The following KIAA1328 variants were observed in gnomAD, a reference collection of about 807,000 sequenced individuals.
The protein encoded by KIAA1328 is KIAA1328.
In KIAA1328, 52 loss-of-function variants were observed where a neutral mutation model predicts 68.1. The ratio of observed to expected loss-of-function variants is 0.76; its 90% CI spans 0.61 to 0.96. The LOEUF (loss-of-function observed/expected upper bound fraction) is 0.96. Among genes scored for constraint, KIAA1328 ranks in the 40% least tolerant of loss-of-function variants. KIAA1328 has a pLI of 0.00. For synonymous variants in KIAA1328, 232 were observed against 239.4 expected, an observed-to-expected ratio of 0.97 and a Z score of 0.28; for missense variants, 641 against 677.6, an observed-to-expected ratio of 0.95 and a Z score of 0.60.
At chr18:37,149,950 A>G (rs888580219) in intron 7 of KIAA1328, among the ~76,000 whole-genome samples, 2 of 152,212 alleles carry the variant, frequency 1.3e-5, no homozygotes, top group Non-Finnish European at 2.9e-5. Flanking sequence ...TGTTTTAATT[A>G]TATTTTTAAG....
chr18:36,894,760 A>C (rs769831789), intron 5 of KIAA1328, among the ~76,000 whole-genome samples: 27 of 152,076 alleles, frequency 1.8e-4, no homozygotes, highest in Non-Finnish European at 2.8e-4. Context: ...TCTGGGCTCA[A>C]GCGATCCTCT....
At chr18:36,994,359 A>C (rs958783940) in intron 6 of KIAA1328, among the ~76,000 whole-genome samples, 4 of 152,172 alleles carry the variant, frequency 2.6e-5, no homozygotes, top group African/African-American at 9.7e-5. Flanking sequence ...ATTTGAAAGA[A>C]TTTTTTAGAT....
chr18:37,126,176 A>G (rs1376221862), intron 7 of KIAA1328, among the ~76,000 whole-genome samples: 2 of 152,230 alleles, frequency 1.3e-5, no homozygotes, highest in African/African-American at 2.4e-5. Flanking sequence ...TATATAAGGT[A>G]TATGTGAACC....
intron 3 of KIAA1328, among the ~76,000 whole-genome samples, chr18:36,836,322 G>A (rs1020547574): frequency 9.9e-5 from 15 of 152,098 alleles, no homozygotes; most frequent in Admixed American, 9.8e-4. Flanking sequence ...TGGTTGATTT[G>A]TTTTACATTG....
intron 6 of KIAA1328, among the ~76,000 whole-genome samples, chr18:37,061,635 C>T (rs952977420): frequency 2.0e-5 from 3 of 152,090 alleles, no homozygotes; most frequent in African/African-American, 7.2e-5. Context: ...GTATAGAAAT[C>T]CTGGAGCAGC....
intron 5 of KIAA1328, among the ~76,000 whole-genome samples, chr18:36,919,761 A>C (rs1337402583): frequency 1.3e-5 from 2 of 152,108 alleles, no homozygotes; most frequent in African/African-American, 4.8e-5. Context: ...ATTGATAGCC[A>C]TTCTGACTAG....
chr18:36,944,361 A>G (rs1170681584), intron 5 of KIAA1328, among the ~76,000 whole-genome samples: 1 of 152,066 alleles, frequency 6.6e-6, no homozygotes, highest in African/African-American at 2.4e-5. Flanking sequence ...GGCGGATCAC[A>G]AGATCAGGAG....
intron 7 of KIAA1328, among the ~76,000 whole-genome samples, chr18:37,149,754 A>G (rs866801016): frequency 5.3e-5 from 8 of 152,182 alleles, no homozygotes; most frequent in Admixed American, 1.3e-4. Context: ...TCTGCTTTCA[A>G]CCTTGTAGCA....
intron 4 of KIAA1328, among the ~76,000 whole-genome samples, chr18:36,879,142 A>C (rs1382670299): frequency 2.7e-5 from 4 of 150,436 alleles, no homozygotes; most frequent in African/African-American, 9.8e-5. Flanking sequence ...GTTTTTCCTC[A>C]TCTTCATGGA....
intron 7 of KIAA1328, among the ~76,000 whole-genome samples, chr18:37,078,143 G>A (rs1219741957): frequency 6.6e-6 from 1 of 152,116 alleles, no homozygotes; most frequent in African/African-American, 2.4e-5. Flanking sequence ...ATAGATCAAT[G>A]GAACAGAACA....
At chr18:37,160,129 G>T in intron 7 of KIAA1328, 71 bp from the exon 8 acceptor site, 2 of 1,245,672 alleles carry the variant, frequency 1.6e-6, no homozygotes, top group East Asian at 5.2e-5. Context: ...AACCCATACT[G>T]AATTTAAATA....
At chr18:37,089,292 A>G (rs2057196928) in intron 7 of KIAA1328, among the ~76,000 whole-genome samples, 1 of 149,816 alleles carries the variant, frequency 6.7e-6, no homozygotes, top group Admixed American at 6.7e-5. Flanking sequence ...CATTTCTTTT[A>G]TAGTCCTTAT....
intron 7 of KIAA1328, among the ~76,000 whole-genome samples, chr18:37,111,851 C>G (rs2151904569): frequency 6.6e-6 from 1 of 152,338 alleles, no homozygotes; most frequent in Middle Eastern, 3.4e-3. Flanking sequence ...ACCGTCTTAG[C>G]AAACAGCACA....
At chr18:37,014,855 C>A (rs2054096519) in intron 6 of KIAA1328, among the ~76,000 whole-genome samples, 1 of 152,140 alleles carries the variant, frequency 6.6e-6, no homozygotes, top group African/African-American at 2.4e-5. Context: ...ATATCAGATT[C>A]TTACAGTTTG....
intron 9 of KIAA1328, among the ~76,000 whole-genome samples, chr18:37,188,832 C>G (rs2059850401): frequency 6.6e-6 from 1 of 152,184 alleles, no homozygotes; most frequent in South Asian, 2.1e-4. Context: ...AGGATTATAA[C>G]ATTATATCAT....
At chr18:37,154,036 G>T (rs772281333) in intron 7 of KIAA1328, among the ~76,000 whole-genome samples, 1 of 151,888 alleles carries the variant, frequency 6.6e-6, no homozygotes, top group African/African-American at 2.4e-5. Context: ...TAGAGAATCC[G>T]TGTTTCCTAG....
At chr18:37,227,612 G>T (rs2060646738), downstream of KIAA1328, among the ~76,000 whole-genome samples, 1 of 152,192 alleles carries the variant, frequency 6.6e-6, no homozygotes, top group African/African-American at 2.4e-5. Flanking sequence ...TTACAGCATG[G>T]TTTACTGAAT....
intron 7 of KIAA1328, among the ~76,000 whole-genome samples, chr18:37,070,731 C>T (rs2056495810): frequency 1.3e-5 from 2 of 151,968 alleles, no homozygotes; most frequent in Admixed American, 1.3e-4. Context: ...CCACCATGCC[C>T]GGCTAGTTTT....
At chr18:37,195,879 A>G (rs1195926894) in intron 9 of KIAA1328, among the ~76,000 whole-genome samples, 2 of 152,202 alleles carry the variant, frequency 1.3e-5, no homozygotes, top group African/African-American at 4.8e-5. Context: ...GAATCTGTAA[A>G]TCACATTTAG....
Sources: gnomAD v4.1 joint callset for allele counts (sites outside exome capture counted in the v4.1 genomes callset) on GRCh38, gnomAD v4.1.1 for gene constraint, MANE v1.5 for transcripts, NCBI Gene and HGNC (gene_info 2026-07-23, HGNC 2026-07-21) for gene names.